Variants in OR2L13 observed in about 807,000 individuals in gnomAD.
OR2L13 encodes olfactory receptor family 2 subfamily L member 13.
OR2L13 carries 14 observed loss-of-function variants against 15.3 expected under a neutral mutation model. That is an observed-to-expected ratio of 0.91 (90% CI 0.60 to 1.43). The LOEUF is 1.43. OR2L13 is among the 40% of genes most tolerant of loss of function. The pLI is 0.00. For synonymous variants in OR2L13, 152 were observed against 142.9 expected (o/e 1.06, Z -0.45); for missense variants, 367 against 387.9 (o/e 0.95, Z 0.45).
chr1:248,031,472 T>C, the OR2L13 span, among the ~76,000 whole-genome samples: 4 of 152,206 alleles, frequency 2.6e-5, no homozygotes, highest in East Asian at 1.9e-4. Context: ...TGGGCAGTGC[T>C]TCCCCTTCTG....
chr1:248,099,928 C>T, exon 3 of OR2L13: 1 of 1,614,108 alleles, frequency 6.2e-7, no homozygotes, highest in Non-Finnish European at 8.5e-7. Context: ...AGCCATGTTG[C>T]TTCTTGCCTG....
chr1:247,975,767 C>T, the OR2L13 span: 2 of 395,990 alleles, frequency 5.1e-6, no homozygotes, highest in Admixed American at 8.2e-5. Context: ...ACAAAAATTA[C>T]TCTAGAAAAT....
chr1:248,085,085 C>G, the OR2L13 span, among the ~76,000 whole-genome samples: 1 of 152,100 alleles, frequency 6.6e-6, no homozygotes, highest in African/African-American at 2.4e-5. Context: ...CTGTGCCAAG[C>G]CTTGTCGGTT....
the OR2L13 span, among the ~76,000 whole-genome samples, chr1:248,031,852 A>G: frequency 6.6e-6 from 1 of 152,156 alleles, no homozygotes; most frequent in Non-Finnish European, 1.5e-5. Flanking sequence ...TAGGGTACTC[A>G]GTTATAATAT....
the OR2L13 span, among the ~76,000 whole-genome samples, chr1:248,016,965 A>G: frequency 6.6e-6 from 1 of 152,182 alleles, no homozygotes; most frequent in East Asian, 1.9e-4. Context: ...ATCCTGACAT[A>G]TTGCAAGTGC....
At chr1:247,954,247 G>C in the OR2L13 span, among the ~76,000 whole-genome samples, 16 of 151,930 alleles carry the variant, frequency 1.1e-4, no homozygotes, top group Admixed American at 1.3e-4. Flanking sequence ...TTTTTTACTT[G>C]CCTTTTAAAT....
At chr1:248,012,384 C>G in the OR2L13 span, among the ~76,000 whole-genome samples, 2 of 152,266 alleles carry the variant, frequency 1.3e-5, no homozygotes, top group East Asian at 3.9e-4. Flanking sequence ...TAGTTTCTGT[C>G]TCATATCCCC....
At chr1:248,036,937 T>C in the OR2L13 span, among the ~76,000 whole-genome samples, 2 of 152,168 alleles carry the variant, frequency 1.3e-5, no homozygotes, top group African/African-American at 2.4e-5. Context: ...AAAGTCTATG[T>C]AATCTAAGCA....
chr1:248,004,247 C>G, the OR2L13 span, among the ~76,000 whole-genome samples: 40 of 151,084 alleles, frequency 2.6e-4, 1 homozygote, highest in African/African-American at 9.4e-4. Context: ...TCTAAACAAC[C>G]TTTTTCTTCA....
the OR2L13 span, among the ~76,000 whole-genome samples, chr1:248,043,008 T>A: frequency 2.0e-5 from 3 of 152,164 alleles, no homozygotes; most frequent in Non-Finnish European, 4.4e-5. Flanking sequence ...TCTGCCACCA[T>A]GAGCAGTTTC....
At chr1:247,967,191 A>G in the OR2L13 span, among the ~76,000 whole-genome samples, 2 of 151,800 alleles carry the variant, frequency 1.3e-5, no homozygotes, top group South Asian at 4.2e-4. Flanking sequence ...CACATCATCC[A>G]TTCATTTCTT....
the OR2L13 span, among the ~76,000 whole-genome samples, chr1:247,986,981 A>G: frequency 6.6e-6 from 1 of 152,158 alleles, no homozygotes; most frequent in South Asian, 2.1e-4. Flanking sequence ...GCTGTAATCA[A>G]CATTTTGTCA....
the OR2L13 span, among the ~76,000 whole-genome samples, chr1:248,044,492 G>T: frequency 6.6e-6 from 1 of 152,046 alleles, no homozygotes; most frequent in African/African-American, 2.4e-5. Flanking sequence ...AGCTCATCAC[G>T]CATCCGGACT....
the OR2L13 span, among the ~76,000 whole-genome samples, chr1:247,941,494 TAAGAAGTTTGTTATATGC>T: frequency 6.6e-6 from 1 of 152,180 alleles, no homozygotes; most frequent in Non-Finnish European, 1.5e-5. Context: ...ATGGAATATG[TAAGAAGTTTGTTATATGC>T]ATGATACTTG....
upstream of OR2L13, among the ~76,000 whole-genome samples, chr1:248,095,514 C>T (rs1422589562): frequency 6.6e-6 from 1 of 151,392 alleles, no homozygotes; most frequent in Non-Finnish European, 1.5e-5. Flanking sequence ...TTATTGATAG[C>T]CTGATATACT....
the OR2L13 span, among the ~76,000 whole-genome samples, chr1:247,938,711 A>G: frequency 6.6e-6 from 1 of 152,218 alleles, no homozygotes; most frequent in Admixed American, 6.5e-5. Flanking sequence ...AAGAGTGTAA[A>G]GAGCATGGTT....
chr1:248,095,605 T>C (rs1467376882), upstream of OR2L13, among the ~76,000 whole-genome samples: 12 of 101,206 alleles, frequency 1.2e-4, no homozygotes, highest in African/African-American at 3.4e-4. Flanking sequence ...GTAAAGCTGC[T>C]GCTTTTTTTT....
At chr1:248,095,607 C>CTTTTTTGTTTTTTTTTTTTTTTTTTTTTT (rs1664716034), upstream of OR2L13, among the ~76,000 whole-genome samples, 1 of 37,294 alleles carries the variant, frequency 2.7e-5, no homozygotes, top group Non-Finnish European at 5.4e-5. Context: ...AAAGCTGCTG[C>CTTTTTTGTTTTTTTTTTTTTTTTTTTTTT]TTTTTTTTTT....
chr1:247,946,133 GT>G, the OR2L13 span, among the ~76,000 whole-genome samples: 1 of 152,084 alleles, frequency 6.6e-6, no homozygotes, highest in African/African-American at 2.4e-5. Context: ...TAAAATGAGA[GT>G]GCAATTTTCA....
Sources: allele counts gnomAD v4.1 joint callset (sites outside exome capture counted in the v4.1 genomes callset), GRCh38; gene constraint gnomAD v4.1.1; transcripts MANE v1.5; gene names NCBI Gene and HGNC (gene_info 2026-07-23, HGNC 2026-07-21).